Variants in SUV39H2 observed in about 807,000 individuals in gnomAD.
SUV39H2 encodes the protein histone-lysine N-methyltransferase SUV39H2.
In SUV39H2, 10 loss-of-function variants were observed where a neutral mutation model predicts 47.5. The observed-to-expected ratio is 0.21, with a 90% CI of 0.13 to 0.36. SUV39H2 has a LOEUF of 0.36. Ranked by LOEUF, SUV39H2 falls within the 10% of genes least tolerant of loss-of-function variation. The pLI, the probability that SUV39H2 is intolerant of heterozygous loss-of-function variation, is 1.00. For synonymous variants in SUV39H2, 159 were observed against 166.8 expected, an observed-to-expected ratio of 0.95 and a Z score of 0.36; for missense variants, 266 against 487.4, an observed-to-expected ratio of 0.55 and a Z score of 4.28.
At chr10:14,881,356 A>C in intron 1 of SUV39H2, 144 bp from the exon 2 acceptor site, 3 of 560,364 alleles carry the variant, frequency 5.4e-6, no homozygotes, top group Non-Finnish European at 8.0e-6. Flanking sequence ...TTTTTCTTGA[A>C]GACATGTAAC....
chr10:14,894,795 C>T (rs555256300), intron 2 of SUV39H2, among the ~76,000 whole-genome samples: 3 of 152,298 alleles, frequency 2.0e-5, no homozygotes, highest in Non-Finnish European at 4.4e-5. Flanking sequence ...GCACAGCTGC[C>T]TCATGGTGTC....
intron 2 of SUV39H2, among the ~76,000 whole-genome samples, 153 bp from the exon 3 acceptor site, chr10:14,896,693 T>C (rs1220939727): frequency 6.6e-6 from 1 of 152,254 alleles, no homozygotes; most frequent in Non-Finnish European, 1.5e-5. Context: ...GTATGATTTA[T>C]ACTTCATGTG....
chr10:14,889,236 T>C (rs1013877609), intron 2 of SUV39H2, among the ~76,000 whole-genome samples: 6 of 152,122 alleles, frequency 3.9e-5, no homozygotes, highest in African/African-American at 1.4e-4. Context: ...TTTTTTCAAG[T>C]TTTTTTGAAA....
At chr10:14,902,014 G>T (rs990717841) in intron 5 of SUV39H2, among the ~76,000 whole-genome samples, 1 of 152,040 alleles carries the variant, frequency 6.6e-6, no homozygotes, top group African/African-American at 2.4e-5. Context: ...TAAGAATGAT[G>T]GCCTTTACAT....
intron 2 of SUV39H2, among the ~76,000 whole-genome samples, chr10:14,893,374 C>T (rs2131690944): frequency 6.6e-6 from 1 of 152,248 alleles, no homozygotes; most frequent in South Asian, 2.1e-4. Context: ...CCTCGTGATT[C>T]ACCCGCCTTG....
chr10:14,881,180 C>T (rs1291590233), intron 1 of SUV39H2, among the ~76,000 whole-genome samples: 1 of 152,126 alleles, frequency 6.6e-6, no homozygotes, highest in Non-Finnish European at 1.5e-5. Flanking sequence ...AAAACATTAT[C>T]TCTGTTGACC....
chr10:14,899,215 G>A lies in SUV39H2; in HGVS notation c.850-324G>A, dbSNP rs959981975. The A allele has an allele frequency of 4.3e-6, 3 of 702,030 alleles. No homozygotes were observed. In the African/African-American group the frequency reaches 5.2e-5, roughly 12 times the overall value. The allele number at this position is 702,030 out of a possible 1,614,324, so 43.5% of individuals were successfully genotyped here. ...ATGCACCTGTGATCCAGCTAGTCAG[G>A]AGGCTGAGGCAGGAAGATCGCTTGA... On this transcript the variant is annotated intron_variant, in intron 3 of 5. Transcript: ENST00000354919.
chr10:14,889,235 G>GT (rs1833310226), intron 2 of SUV39H2, among the ~76,000 whole-genome samples: 1 of 151,962 alleles, frequency 6.6e-6, no homozygotes, highest in African/African-American at 2.4e-5. Flanking sequence ...TTTTTTTCAA[G>GT]TTTTTTTGAA....
chr10:14,897,205 T>G lies in SUV39H2; in HGVS notation c.537T>G (p.Pro179=), dbSNP rs1224098053. ...ACATTAACGAATACAAACCAGCTCC[T>G]GGAATCAGCTTAGTCAATGAAGCTA... is the stretch of plus-strand genomic sequence containing the variant. ...FYYINEYKPA[P]GISLVNEATF... Residue 179 remains proline, a synonymous_variant, in exon 3 of 6, where the codon CCT becomes CCG. Transcript: ENST00000354919. The G allele has an allele frequency of 6.2e-7, 1 of 1,613,766 alleles. No individual in the cohort carries two copies. The highest frequency in any genetic ancestry group is 8.5e-7 in the Non-Finnish European group (1 of 1,180,038).
At chr10:14,891,575 G>T (rs1833391006) in intron 2 of SUV39H2, among the ~76,000 whole-genome samples, 1 of 152,098 alleles carries the variant, frequency 6.6e-6, no homozygotes. Flanking sequence ...AAGAATTGTG[G>T]GCCTGAAGTA....
At chr10:14,896,163 G>T (rs966801791) in intron 2 of SUV39H2, among the ~76,000 whole-genome samples, 1 of 152,012 alleles carries the variant, frequency 6.6e-6, no homozygotes, top group Non-Finnish European at 1.5e-5. Flanking sequence ...GGCTGGTCTC[G>T]AACTCCTGGG....
chr10:14,884,753 T>A (rs1833151949), intron 2 of SUV39H2, among the ~76,000 whole-genome samples: 2 of 152,220 alleles, frequency 1.3e-5, no homozygotes, highest in Admixed American at 6.5e-5. Flanking sequence ...TTTGAAACTC[T>A]CGTCTATGGA....
At chr10:14,890,691 T>C (rs950742445) in intron 2 of SUV39H2, among the ~76,000 whole-genome samples, 2 of 152,204 alleles carry the variant, frequency 1.3e-5, no homozygotes, top group African/African-American at 4.8e-5. Flanking sequence ...AACACTGATA[T>C]TGAATATGAT....
chr10:14,893,774 G>T (rs2131692098), intron 2 of SUV39H2, among the ~76,000 whole-genome samples: 1 of 152,310 alleles, frequency 6.6e-6, no homozygotes, highest in African/African-American at 2.4e-5. Flanking sequence ...AGGTACCAAT[G>T]TGATTAGCAT....
intron 1 of SUV39H2, among the ~76,000 whole-genome samples, chr10:14,880,286 A>G (rs879417830): frequency 6.6e-6 from 1 of 152,174 alleles, no homozygotes. Flanking sequence ...GGTTTCTGAC[A>G]ATGAAGTTTC....
In SUV39H2 at chr10:14,899,546, C is replaced by G. The variant is rs1183272138; in HGVS notation, c.857C>G (p.Thr286Arg). 6.2e-7 allele frequency: 1 copy of G among 1,613,690 alleles called. No individual in the cohort carries two copies. Among genetic ancestry groups the G allele is most frequent in the Admixed American group, 1.7e-5 (1 of 59,932 alleles). The change falls in exon 4 of 6, where the codon ACA (threonine) becomes AGA (arginine). Residue 286 changes from threonine (T) to arginine (R), a missense_variant. This residue lies in a region of SUV39H2 where 112 missense variants were observed against 271.9 expected (regional missense o/e 0.41). Transcript: ENST00000354919. ...ACAGTTTTTTCTGTTTAGGTAATCA[C>G]AAGTGAAGAAGCTGAAAGACGAGGA... The part of the protein sequence containing the change: ...FVMEYVGEVI[T>R]SEEAERRGQF...
At position 14,897,041 on chromosome 10, in the gene SUV39H2, G is replaced by A. The variant is rs1016685656; in HGVS notation, c.373G>A (p.Glu125Lys). ...CAAAACTTTGAAACCTGCCATTGCT[G>A]AGTACATTGTGAAGAAGGCTAAACA... Reference protein sequence around the residue: ...NNKTLKPAIAEYIVKKAKQRI... With the variant: ...NNKTLKPAIAKYIVKKAKQRI... The change falls in exon 3 of 6, where the codon GAG (glutamate) becomes AAG (lysine). Residue 125 changes from glutamate to lysine, a missense_variant. Coordinates refer to ENST00000354919, the MANE Select transcript of SUV39H2 (RefSeq NM_001193424.2). 1 of 1,613,994 alleles carries A rather than the reference G, an allele frequency of 6.2e-7. No individual in the cohort carries two copies. The highest frequency in any genetic ancestry group is 8.5e-7 in the Non-Finnish European group (1 of 1,180,034).
At chr10:14,904,315 ATTTTTTTTTTTT>A (rs35999949), downstream of SUV39H2, 46 of 77,802 alleles carry the variant, frequency 5.9e-4, no homozygotes, top group Admixed American at 7.3e-3. Context: ...AAAAAAAAAA[ATTTTTTTTTTTT>A]TTTTTTTTTT....
At chr10:14,902,382 A>T in intron 5 of SUV39H2, 24 bp from the exon 6 acceptor site, 1 of 1,479,194 alleles carries the variant, frequency 6.8e-7, no homozygotes, top group African/African-American at 1.4e-5. Flanking sequence ...TCTTTCTCCT[A>T]TATTTCTTTT....
Sources: allele counts gnomAD v4.1 joint callset (sites outside exome capture counted in the v4.1 genomes callset), GRCh38; gene constraint gnomAD v4.1.1; regional missense constraint gnomAD v4.1.1; transcripts MANE v1.5; gene names NCBI Gene and HGNC (gene_info 2026-07-23, HGNC 2026-07-21).